Variants in PIK3C2G observed in about 807,000 individuals in gnomAD.
PIK3C2G encodes phosphatidylinositol-4-phosphate 3-kinase catalytic subunit type 2 gamma, also known as phosphatidylinositol 3-kinase C2 domain-containing subunit gamma.
PIK3C2G carries 168 observed loss-of-function variants against 181.1 expected under a neutral mutation model. The observed-to-expected ratio is 0.93, with a 90% confidence interval of 0.82 to 1.05. The LOEUF is 1.05. Ranked by LOEUF, PIK3C2G falls within the 50% of genes least tolerant of loss-of-function variation. The pLI is 0.00. For missense variants in PIK3C2G, 1,869 were observed against 1,732.8 expected, an observed-to-expected ratio of 1.08 and a Z score of -1.40; for synonymous variants, 573 against 592.2, an observed-to-expected ratio of 0.97 and a Z score of 0.47.
chr12:18,351,369 T>C (rs550391198), intron 11 of PIK3C2G, among the ~76,000 whole-genome samples: 1 of 152,284 alleles, frequency 6.6e-6, no homozygotes, highest in African/African-American at 2.4e-5. Flanking sequence ...CATTTTGCTT[T>C]GTTTTGTCCA....
At chr12:18,646,745 C>G (rs1267071014) in intron 32 of PIK3C2G, among the ~76,000 whole-genome samples, 1 of 152,090 alleles carries the variant, frequency 6.6e-6, no homozygotes, top group Non-Finnish European at 1.5e-5. Flanking sequence ...AGACATTTCC[C>G]TGGTAACCAT....
intron 18 of PIK3C2G, among the ~76,000 whole-genome samples, chr12:18,443,379 TATTTA>T (rs1461078430): frequency 6.6e-6 from 1 of 152,188 alleles, no homozygotes; most frequent in Non-Finnish European, 1.5e-5. Context: ...TCAGTATATT[TATTTA>T]ATTTGAGACT....
chr12:18,547,535 A>C (rs1944496543), intron 26 of PIK3C2G, among the ~76,000 whole-genome samples: 1 of 152,044 alleles, frequency 6.6e-6, no homozygotes, highest in South Asian at 2.1e-4. Context: ...GCCCACAATT[A>C]GTAGAAGTAG....
the PIK3C2G span, among the ~76,000 whole-genome samples, chr12:18,718,262 C>A: frequency 1.1e-4 from 16 of 152,144 alleles, no homozygotes. Context: ...CAGCTGCTGC[C>A]TCATGAGTTC....
At chr12:18,265,752 G>A (rs1284934035) in intron 1 of PIK3C2G, among the ~76,000 whole-genome samples, 1 of 151,980 alleles carries the variant, frequency 6.6e-6, no homozygotes, top group Non-Finnish European at 1.5e-5. Context: ...GGTGGCTCAA[G>A]CCTGTAATCC....
intron 5 of PIK3C2G, among the ~76,000 whole-genome samples, chr12:18,300,888 G>C (rs999133824): frequency 6.6e-6 from 1 of 152,090 alleles, no homozygotes; most frequent in Non-Finnish European, 1.5e-5. Context: ...GTCTGGTTTA[G>C]TGGTGATGAA....
intron 13 of PIK3C2G, among the ~76,000 whole-genome samples, chr12:18,374,207 G>C (rs1403005075): frequency 6.6e-6 from 1 of 152,126 alleles, no homozygotes; most frequent in Admixed American, 6.5e-5. Flanking sequence ...CTGAGCACCA[G>C]TATTTTCAAA....
At chr12:18,450,042 T>C (rs943827219) in intron 18 of PIK3C2G, among the ~76,000 whole-genome samples, 1 of 152,188 alleles carries the variant, frequency 6.6e-6, no homozygotes, top group African/African-American at 2.4e-5. Flanking sequence ...AGTGATGAGC[T>C]TTTTTTCACG....
chr12:18,396,293 A>G (rs1054023242), intron 15 of PIK3C2G, among the ~76,000 whole-genome samples: 22 of 151,710 alleles, frequency 1.5e-4, no homozygotes, highest in Non-Finnish European at 3.1e-4. Context: ...AGATCTAGGA[A>G]AAAAAGTGGT....
chr12:18,529,092 A>T (rs1479527662), intron 24 of PIK3C2G, among the ~76,000 whole-genome samples: 1 of 143,860 alleles, frequency 7.0e-6, no homozygotes, highest in East Asian at 1.9e-4. Flanking sequence ...GATAATCCCA[A>T]CACAGCCTAC....
chr12:18,635,814 G>A (rs1949575248), intron 31 of PIK3C2G, among the ~76,000 whole-genome samples: 1 of 152,086 alleles, frequency 6.6e-6, no homozygotes, highest in Admixed American at 6.5e-5. Context: ...CAGCAAATGG[G>A]CCAGGCTAAC....
chr12:18,602,955 A>C (rs1181802985), intron 30 of PIK3C2G, among the ~76,000 whole-genome samples: 1 of 152,170 alleles, frequency 6.6e-6, no homozygotes, highest in Non-Finnish European at 1.5e-5. Flanking sequence ...TAATATGAAA[A>C]AACAAGGCTC....
At chr12:18,301,537 T>G (rs1307285571) in intron 5 of PIK3C2G, among the ~76,000 whole-genome samples, 6 of 152,094 alleles carry the variant, frequency 3.9e-5, no homozygotes, top group African/African-American at 1.4e-4. Flanking sequence ...ACTGAATTCT[T>G]TTGTTCCAGA....
chr12:18,562,601 CT>C (rs1945408175), intron 26 of PIK3C2G, 101 bp from the exon 27 acceptor site: 2 of 691,930 alleles, frequency 2.9e-6, no homozygotes, highest in Non-Finnish European at 4.9e-6. Flanking sequence ...TGGTTCTTGG[CT>C]TTTTCCCCTC....
chr12:18,567,475 A>C (rs183133274), intron 29 of PIK3C2G, among the ~76,000 whole-genome samples: 3 of 152,270 alleles, frequency 2.0e-5, no homozygotes, highest in Middle Eastern at 3.4e-3. Context: ...TTTGTATAAA[A>C]TACATGAACT....
intron 18 of PIK3C2G, among the ~76,000 whole-genome samples, chr12:18,430,804 T>C (rs1438280960): frequency 6.6e-6 from 1 of 152,168 alleles, no homozygotes; most frequent in Non-Finnish European, 1.5e-5. Context: ...AACAAGTTGA[T>C]GGAGCAGCAT....
chr12:18,546,550 A>G, intron 26 of PIK3C2G, 118 bp downstream of exon 26: 1 of 647,210 alleles, frequency 1.5e-6, no homozygotes, highest in African/African-American at 1.8e-5. Flanking sequence ...TTTCTAGAAC[A>G]AGCTTGTGTT....
chr12:18,431,494 A>G (rs1946157241), intron 18 of PIK3C2G, among the ~76,000 whole-genome samples: 1 of 152,196 alleles, frequency 6.6e-6, no homozygotes, highest in South Asian at 2.1e-4. Flanking sequence ...CAGTGAGTAA[A>G]AAAGTCTGTG....
At chr12:18,482,311 G>A (rs1483664643) in intron 18 of PIK3C2G, among the ~76,000 whole-genome samples, 1 of 151,912 alleles carries the variant, frequency 6.6e-6, no homozygotes, top group African/African-American at 2.4e-5. Flanking sequence ...AAAGAGAAAA[G>A]TGACCCTCAT....
Sources: gnomAD v4.1 joint callset for allele counts (sites outside exome capture counted in the v4.1 genomes callset) on GRCh38, gnomAD v4.1.1 for gene constraint, MANE v1.5 for transcripts, NCBI Gene and HGNC (gene_info 2026-07-23, HGNC 2026-07-21) for gene names.